The following ITIH2 variants were observed in gnomAD, a reference collection of about 807,000 sequenced individuals.
ITIH2 encodes inter-alpha-trypsin inhibitor heavy chain 2, also known as inter-alpha-trypsin inhibitor heavy chain H2.
In ITIH2, 103 loss-of-function variants were observed where a neutral mutation model predicts 104.4. The observed-to-expected ratio is 0.99, with a 90% CI of 0.84 to 1.16. The LOEUF (loss-of-function observed/expected upper bound fraction) is 1.16, where lower values mean the gene tolerates loss of function less well. ITIH2 is among the 50% of genes most tolerant of loss of function. ITIH2 has a pLI of 0.00. For synonymous variants in ITIH2, 436 were observed against 435.4 expected (o/e 1.00, Z -0.02); for missense variants, 1,108 against 1,162.4 (o/e 0.95, Z 0.68).
chr10:7,722,312 C>T (rs888838065), intron 8 of ITIH2, among the ~76,000 whole-genome samples: 3 of 141,310 alleles, frequency 2.1e-5, no homozygotes, highest in South Asian at 2.2e-4. Flanking sequence ...GGACAGCAAG[C>T]GGAGCACACA....
intron 7 of ITIH2, 24 bp from the exon 8 acceptor site, chr10:7,721,625 C>T (rs1194335355): frequency 6.2e-7 from 1 of 1,609,114 alleles, no homozygotes; most frequent in South Asian, 1.1e-5. Flanking sequence ...GAGGCAGAGG[C>T]TCTGATGTCA....
chr10:7,749,018 C>T (rs553173519), intron 20 of ITIH2, among the ~76,000 whole-genome samples, 169 bp from the exon 21 acceptor site: 1 of 152,266 alleles, frequency 6.6e-6, no homozygotes, highest in East Asian at 1.9e-4. Flanking sequence ...GCTTCCAACA[C>T]CAAGCCCCAG....
intron 9 of ITIH2, among the ~76,000 whole-genome samples, chr10:7,726,741 T>C (rs1453774419): frequency 6.6e-6 from 1 of 152,144 alleles, no homozygotes; most frequent in Non-Finnish European, 1.5e-5. Flanking sequence ...GCAAAATAGA[T>C]AGTAAAATTA....
chr10:7,716,770 A>G (rs895452228), intron 5 of ITIH2, among the ~76,000 whole-genome samples: 1 of 151,372 alleles, frequency 6.6e-6, no homozygotes, highest in South Asian at 2.1e-4. Context: ...AACATACTCA[A>G]TTTGAGCAAT....
At chr10:7,746,067 TTAAAAA>T (rs1201085138) in intron 19 of ITIH2, among the ~76,000 whole-genome samples, 1,625 of 51,036 alleles carry the variant, frequency 0.032, 24 homozygotes, top group South Asian at 0.052. Flanking sequence ...AATCTTAAAT[TTAAAAA>T]AAAAAAAAAA....
At chr10:7,723,139 G>A (rs75977971) in intron 8 of ITIH2, among the ~76,000 whole-genome samples, 7,324 of 151,152 alleles carry the variant, frequency 0.048, 237 homozygotes, top group Admixed American at 0.074. Flanking sequence ...CTGGCATGGC[G>A]TGGAGTGGCG....
At chr10:7,748,223 CATATATAAATAAATATATGTATACAT>C (rs1452545359) in intron 20 of ITIH2, among the ~76,000 whole-genome samples, 1 of 117,770 alleles carries the variant, frequency 8.5e-6, no homozygotes, top group Non-Finnish European at 1.8e-5. Context: ...TTTATATATA[CATATATAAATAAATATATGTATACAT>C]ATATATATAT....
At chr10:7,748,225 T>A (rs971462044) in intron 20 of ITIH2, among the ~76,000 whole-genome samples, 4 of 112,402 alleles carry the variant, frequency 3.6e-5, no homozygotes, top group Non-Finnish European at 7.7e-5. Context: ...TATATATACA[T>A]ATATAAATAA....
At chr10:7,739,925 C>T (rs1835108043) in intron 16 of ITIH2, among the ~76,000 whole-genome samples, 1 of 151,912 alleles carries the variant, frequency 6.6e-6, no homozygotes, top group African/African-American at 2.4e-5. Context: ...GTGGCTTACG[C>T]CTGTAATCCC....
chr10:7,723,949 C>G (rs1834929609), intron 9 of ITIH2, among the ~76,000 whole-genome samples: 1 of 152,112 alleles, frequency 6.6e-6, no homozygotes, highest in South Asian at 2.1e-4. Flanking sequence ...TCTTTTTGCT[C>G]TTCCACATGT....
chr10:7,748,927 G>C (rs1835207842), intron 20 of ITIH2, among the ~76,000 whole-genome samples: 1 of 151,982 alleles, frequency 6.6e-6, no homozygotes, highest in South Asian at 2.1e-4. Flanking sequence ...ATTGGCTACT[G>C]TTTCCCTCGC....
At chr10:7,743,084 T>A in intron 16 of ITIH2, 62 bp from the exon 17 acceptor site, 1 of 792,528 alleles carries the variant, frequency 1.3e-6, no homozygotes, top group Non-Finnish European at 2.1e-6. Flanking sequence ...AGGAATGACA[T>A]AGTGCTCAAA....
chr10:7,731,359 C>T (rs1218395987), intron 12 of ITIH2, among the ~76,000 whole-genome samples: 7 of 152,168 alleles, frequency 4.6e-5, no homozygotes, highest in East Asian at 1.9e-4. Flanking sequence ...CTGATAATTA[C>T]GAGCATTTTC....
At chr10:7,718,132 G>C (rs1229645892) in intron 6 of ITIH2, among the ~76,000 whole-genome samples, 3 of 152,150 alleles carry the variant, frequency 2.0e-5, no homozygotes, top group Non-Finnish European at 2.9e-5. Flanking sequence ...CCAGGGGAGA[G>C]CCCGTTCCTT....
At chr10:7,741,178 T>G (rs1321248243) in intron 16 of ITIH2, among the ~76,000 whole-genome samples, 1 of 145,196 alleles carries the variant, frequency 6.9e-6, no homozygotes, top group African/African-American at 2.7e-5. Flanking sequence ...TTAAGGTTTT[T>G]TTTTTTTTTT....
chr10:7,737,209 T>G (rs1158230516), intron 15 of ITIH2, among the ~76,000 whole-genome samples: 1 of 151,178 alleles, frequency 6.6e-6, no homozygotes, highest in Non-Finnish European at 1.5e-5. Flanking sequence ...GTGTCTAAAC[T>G]GAGACTCTAG....
At chr10:7,712,300 G>A (rs748810571) in intron 4 of ITIH2, among the ~76,000 whole-genome samples, 3 of 152,168 alleles carry the variant, frequency 2.0e-5, no homozygotes, top group Non-Finnish European at 2.9e-5. Flanking sequence ...AGAGCTCTTC[G>A]AAGTCTGTTT....
In ITIH2 at chr10:7,713,183, C is replaced by T; in HGVS notation, c.365C>T (p.Thr122Ile). Residue 122 changes from threonine to isoleucine, a missense_variant and splice_region_variant, in exon 5 of 21, where the codon ACT becomes ATT. By Grantham distance (89) the Thr-to-Ile change is moderately conservative (BLOSUM62 -1). Transcript: ENST00000358415. ...GGTTACCTTCTGTCATTTTCTAGGA[C>T]TGTGGACGGCAAGACATTTAGGAGC... ...KGAFISNFSM[T>I]VDGKTFRSSI... The T allele has an allele frequency of 1.2e-6, 2 of 1,612,230 alleles. No individual in the cohort carries two copies. The highest frequency in any genetic ancestry group is 1.7e-6 in the Non-Finnish European group (2 of 1,178,316).
In ITIH2 at chr10:7,738,693, T is replaced by G; in HGVS notation, c.2030T>G (p.Val677Gly). 4 of 1,613,782 alleles carry G rather than the reference T, an allele frequency of 2.5e-6. No homozygotes were observed. Among genetic ancestry groups the G allele is most frequent in the Non-Finnish European group, 3.4e-6 (4 of 1,179,820 alleles). ...TGGGCCAATCCTTCACCAACGCCCG[T>G]GATCTCCATGCTGGCACAAGGATCT... ...PSWANPSPTPVISMLAQGSQV... is the reference protein window; with the variant it reads ...PSWANPSPTPGISMLAQGSQV... The change falls in exon 16 of 21, where the codon GTG (valine) becomes GGG (glycine). Residue 677 changes from valine to glycine, a missense_variant. Transcript: ENST00000358415.
Sources: gnomAD v4.1 joint callset for allele counts (sites outside exome capture counted in the v4.1 genomes callset) on GRCh38, gnomAD v4.1.1 for gene constraint, MANE v1.5 for transcripts, NCBI Gene and HGNC (gene_info 2026-07-23, HGNC 2026-07-21) for gene names.